The following SMC5 variants were observed in gnomAD, a reference collection of about 807,000 sequenced individuals.
SMC5 encodes the protein structural maintenance of chromosomes protein 5.
A neutral mutation model predicts 148.3 loss-of-function variants in SMC5; 88 were observed. The observed-to-expected ratio is 0.59, with a 90% CI of 0.50 to 0.71. SMC5 has a LOEUF of 0.71. Ranked by LOEUF, SMC5 falls within the 30% of genes least tolerant of loss-of-function variation. SMC5 has a pLI of 0.00. For missense variants in SMC5, 1,142 were observed against 1,298.9 expected (o/e 0.88, Z 1.86); for synonymous variants, 421 against 432.8 (o/e 0.97, Z 0.34).
chr9:70,334,977 A>G (rs1012559709), intron 17 of SMC5, among the ~76,000 whole-genome samples: 1 of 152,180 alleles, frequency 6.6e-6, no homozygotes, highest in African/African-American at 2.4e-5. Context: ...ACTCACTAGA[A>G]TTGCTAAAAT....
rs548844229 is a variant in SMC5 at position 70,326,559 on chromosome 9, G to A, written c.2397+2416G>A. ...GGGAAAGTGATTACTTTGACTTTAT[G>A]TTGGCTTATTTAAAAATTACAATGA... On this transcript the variant is annotated intron_variant, in intron 17 of 24. Coordinates refer to ENST00000361138, the MANE Select transcript of SMC5 (RefSeq NM_015110.4). 1.2e-3 allele frequency among the ~76,000 whole-genome samples: 180 copies of A among 147,990 alleles called. 1 individual carries two copies. Among genetic ancestry groups the A allele is most frequent in the Non-Finnish European group, 1.9e-3 (130 of 66,778 alleles).
chr9:70,339,852 A>C (rs2036471651), intron 17 of SMC5, among the ~76,000 whole-genome samples: 2 of 152,190 alleles, frequency 1.3e-5, no homozygotes, highest in Non-Finnish European at 2.9e-5. Context: ...AGATGGTGGG[A>C]AGCCTCTCTT....
intron 8 of SMC5, among the ~76,000 whole-genome samples, chr9:70,296,844 T>C (rs1372197035): frequency 2.0e-5 from 3 of 152,214 alleles, no homozygotes; most frequent in Non-Finnish European, 4.4e-5. Context: ...TAGACCATAG[T>C]TTTGATAAAA....
chr9:70,322,886 A>G (rs1438950581), intron 15 of SMC5, among the ~76,000 whole-genome samples: 1 of 152,166 alleles, frequency 6.6e-6, no homozygotes, highest in Non-Finnish European at 1.5e-5. Context: ...ATGAAATTTA[A>G]TTAAACACTA....
At chr9:70,278,351 G>T in intron 4 of SMC5, 140 bp from the exon 5 acceptor site, 3 of 755,750 alleles carry the variant, frequency 4.0e-6, no homozygotes, top group South Asian at 2.1e-5. Flanking sequence ...TTATTCTAAA[G>T]AATAATGCAC....
At chr9:70,337,595 A>G (rs570375033) in intron 17 of SMC5, among the ~76,000 whole-genome samples, 1 of 151,984 alleles carries the variant, frequency 6.6e-6, no homozygotes, top group African/African-American at 2.4e-5. Context: ...AGCTGGGACT[A>G]CAGGCGAGCG....
intron 3 of SMC5, among the ~76,000 whole-genome samples, chr9:70,272,964 T>G (rs2118069501): frequency 6.6e-6 from 1 of 152,338 alleles, no homozygotes; most frequent in South Asian, 2.1e-4. Context: ...GTTGAAGAAT[T>G]AATTAATTCC....
In SMC5 at chr9:70,318,616, C is replaced by T. The variant is rs751544317; in HGVS notation, c.1909C>T (p.Leu637=). Residue 637 remains leucine, a synonymous_variant, in exon 14 of 25, where the codon CTA becomes TTA. Coordinates refer to ENST00000361138, the MANE Select transcript of SMC5 (RefSeq NM_015110.4). The stretch of plus-strand genomic sequence containing the variant: ...CAAAGTTATTTCTAGTAACACATCT[C>T]TAAAAGTAGCGCAGTTTCTCACTGT... ...SNKVISSNTS[L]KVAQFLTVTV... is the part of the protein sequence containing the mutation. 9.3e-6 allele frequency: 15 copies of T among 1,612,852 alleles called. No homozygotes were observed. Among genetic ancestry groups the T allele is most frequent in the East Asian group, 2.2e-5 (1 of 44,804 alleles).
rs923830499 is a variant in SMC5, at chr9:70,309,931, C to T, written c.1578+4571C>T. On this transcript the variant is annotated intron_variant, in intron 11 of 24. Transcript: ENST00000361138. ...GTGGCACAATCTTGGCTCACTGCAA[C>T]CTCCACCTCCTGGGTATAAGCAATT... is the stretch of plus-strand genomic sequence containing the variant. Among the ~76,000 whole-genome samples, 17 of 152,280 alleles carry T rather than the reference C, an allele frequency of 1.1e-4. No homozygotes were observed. The South Asian group carries it at 3.5e-3, about 32-fold the overall frequency.
chr9:70,345,161 A>G (rs1282311528), intron 18 of SMC5, among the ~76,000 whole-genome samples: 2 of 121,684 alleles, frequency 1.6e-5, no homozygotes, highest in Non-Finnish European at 3.9e-5. Flanking sequence ...TAAAATAAAT[A>G]TAAGTACAAT....
chr9:70,313,630 T>C (rs183508123), intron 11 of SMC5, among the ~76,000 whole-genome samples: 1 of 152,208 alleles, frequency 6.6e-6, no homozygotes, highest in African/African-American at 2.4e-5. Context: ...CCCAAGTAGC[T>C]GAGATTACAG....
chr9:70,333,267 G>A (rs2036269644), intron 17 of SMC5, among the ~76,000 whole-genome samples: 1 of 152,054 alleles, frequency 6.6e-6, no homozygotes, highest in Non-Finnish European at 1.5e-5. Flanking sequence ...ATGAACAATT[G>A]GCAATTGCAA....
At chr9:70,342,356 T>A (rs1461112773) in intron 17 of SMC5, among the ~76,000 whole-genome samples, 1 of 151,702 alleles carries the variant, frequency 6.6e-6, no homozygotes, top group Non-Finnish European at 1.5e-5. Flanking sequence ...AACCTGCACA[T>A]TGTGCACATG....
chr9:70,264,455 TATA>T lies in SMC5; in HGVS notation c.327+13_327+15del, dbSNP rs2034220285. On this transcript the variant is annotated intron_variant, in intron 2 of 24. Coordinates refer to ENST00000361138, the MANE Select transcript of SMC5 (RefSeq NM_015110.4). ...GGGACGAGCAGATAAGGTGAGTTAA[TATA>T]ATTACTTTTTAAGAAATTTCAAACC... The T allele has an allele frequency of 6.2e-7, 1 of 1,610,654 alleles. No individual in the cohort carries two copies. The highest frequency in any genetic ancestry group is 8.5e-7 in the Non-Finnish European group (1 of 1,178,932).
chr9:70,262,864 A>G (rs2034176784), intron 1 of SMC5, among the ~76,000 whole-genome samples: 1 of 152,182 alleles, frequency 6.6e-6, no homozygotes, highest in South Asian at 2.1e-4. Context: ...GGAATTCCCA[A>G]TAAATACATC....
intron 17 of SMC5, among the ~76,000 whole-genome samples, chr9:70,333,949 A>G (rs951360836): frequency 1.3e-5 from 2 of 152,194 alleles, no homozygotes; most frequent in African/African-American, 4.8e-5. Flanking sequence ...CTAAAATGCA[A>G]TGGACTTAGA....
chr9:70,328,490 C>A (rs1372755880), intron 17 of SMC5, among the ~76,000 whole-genome samples: 1 of 152,180 alleles, frequency 6.6e-6, no homozygotes, highest in African/African-American at 2.4e-5. Context: ...CTTAATGCTC[C>A]CAAAAAGTCT....
At chr9:70,265,832 C>A (rs942554821) in intron 2 of SMC5, among the ~76,000 whole-genome samples, 27 of 152,292 alleles carry the variant, frequency 1.8e-4, no homozygotes, top group African/African-American at 6.3e-4. Flanking sequence ...ATTCCCAACT[C>A]AAATTCACAT....
intron 5 of SMC5, 33 bp downstream of exon 5, chr9:70,278,658 T>C (rs780265604): frequency 6.4e-7 from 1 of 1,571,092 alleles, no homozygotes; most frequent in South Asian, 1.2e-5. Context: ...TTGTATTGTT[T>C]CTTATTGATT....
Sources: gnomAD v4.1 joint callset for allele counts (sites outside exome capture counted in the v4.1 genomes callset) on GRCh38, gnomAD v4.1.1 for gene constraint, MANE v1.5 for transcripts, NCBI Gene and HGNC (gene_info 2026-07-23, HGNC 2026-07-21) for gene names.